WDR12: variants seen among roughly 807,000 people sequenced by gnomAD.
The protein encoded by WDR12 is ribosome biogenesis protein WDR12.
Under a neutral mutation model 64.3 loss-of-function variants are expected in WDR12, and 42 were observed. That is an observed-to-expected ratio of 0.65 (90% CI 0.51 to 0.84). The LOEUF is 0.84. WDR12 is among the 40% of genes least tolerant of loss of function. The probability of loss-of-function intolerance (pLI) is 0.00; values close to 1 mark genes in which losing one functional copy is unlikely to be tolerated. For synonymous variants in WDR12, 158 were observed against 173.3 expected (o/e 0.91, Z 0.70); for missense variants, 469 against 494.6 (o/e 0.95, Z 0.49).
At chr2:202,902,151 T>A (rs1688360054) in intron 2 of WDR12, among the ~76,000 whole-genome samples, 1 of 152,056 alleles carries the variant, frequency 6.6e-6, no homozygotes, top group Non-Finnish European at 1.5e-5. Flanking sequence ...TTTAGAAAAA[T>A]GTTACCCAAC....
chr2:202,895,243 T>C (rs1688216951), intron 6 of WDR12, among the ~76,000 whole-genome samples: 4 of 152,324 alleles, frequency 2.6e-5, no homozygotes, highest in Middle Eastern at 3.4e-3. Flanking sequence ...TAAGTGGATT[T>C]ATAACCCTTC....
Position 202,878,802 on chromosome 2 carries a change from G to A in WDR12, c.*2058C>T. The A allele has an allele frequency of 6.6e-6, 1 of 152,050 alleles. No homozygotes were observed. The highest frequency in any genetic ancestry group is 2.4e-5 in the African/African-American group (1 of 41,362). The allele number at this position is 152,050 out of a possible 1,614,324, so 9.4% of individuals were successfully genotyped here. ...ACATATTTCCCAAATATTACTAAAA[G>A]GTTGTGAATGCTCTACTTAAGGAGT... On this transcript the variant is annotated 3_prime_UTR_variant, in exon 13 of 13. Coordinates refer to ENST00000261015, the MANE Select transcript of WDR12 (RefSeq NM_018256.4).
rs928162156 is a variant in WDR12 at position 202,877,508 on chromosome 2, AT to A, written c.*3351del. On this transcript the variant is annotated 3_prime_UTR_variant, in exon 13 of 13. Transcript: ENST00000261015. ...ACAAAAAAAGTAATAATAAAAATAA[AT>A]TAAAAAATAAAAAATAAAAAATTGA... The A allele has an allele frequency of 1.3e-5, 2 of 151,948 alleles. No individual in the cohort carries two copies. The highest frequency in any genetic ancestry group is 2.9e-5 in the Non-Finnish European group (2 of 67,982). 9.4% of individuals were successfully genotyped at this position (151,948 alleles called of 1,614,324 possible).
At position 202,884,293 on chromosome 2, in the gene WDR12, T is replaced by TTAA. The variant is rs1477451547; in HGVS notation, c.892_893insTTA (p.Asn297_Lys298insIle). ...AGAATAGGAAATACAATTAAACACTTTATTTCCTGTCTGAAAAAGAAAAGG... is the reference window on the plus strand; with the variant it reads ...AGAATAGGAAATACAATTAAACACTTTAATATTTCCTGTCTGAAAAAGAAAAGG... On this transcript the variant is annotated inframe_insertion, in exon 10 of 13. Transcript: ENST00000261015. 1 of 1,613,988 alleles carries TTAA rather than the reference T, an allele frequency of 6.2e-7. No individual in the cohort carries two copies. Among genetic ancestry groups the TTAA allele is most frequent in the Non-Finnish European group, 8.5e-7 (1 of 1,179,938 alleles).
At chr2:202,897,542 G>T (rs1360307137) in intron 4 of WDR12, 127 bp from the exon 5 acceptor site, 1 of 485,360 alleles carries the variant, frequency 2.1e-6, no homozygotes, top group Non-Finnish European at 3.5e-6. Flanking sequence ...TGAAGATTGA[G>T]ATTTCAAGCC....
intron 12 of WDR12, 148 bp downstream of exon 12, chr2:202,882,563 C>T (rs1390297900): frequency 1.4e-5 from 9 of 649,000 alleles, no homozygotes; most frequent in African/African-American, 5.5e-5. Flanking sequence ...CTCCTGACCT[C>T]GTGATCTGCC....
At chr2:202,905,668 C>A (rs1204556502) in intron 2 of WDR12, among the ~76,000 whole-genome samples, 1 of 152,156 alleles carries the variant, frequency 6.6e-6, no homozygotes, top group Non-Finnish European at 1.5e-5. Context: ...TACTTCTACA[C>A]AATGGAGTAC....
In WDR12 at chr2:202,901,128, A is replaced by T; in HGVS notation, c.137-9T>A. 6.3e-7 allele frequency: 1 copy of T among 1,581,194 alleles called. No individual in the cohort carries two copies. The highest frequency in any genetic ancestry group is 8.6e-7 in the Non-Finnish European group (1 of 1,156,360). ...CACATGTTTGTGGAACTCTGAGGAA[A>T]ATACATAACAAAATTATCACTCTTA... On this transcript the variant is annotated splice_polypyrimidine_tract_variant and intron_variant, in intron 2 of 12. Coordinates refer to ENST00000261015, the MANE Select transcript of WDR12 (RefSeq NM_018256.4).
chr2:202,881,804 G>A (rs1054722203), intron 12 of WDR12, among the ~76,000 whole-genome samples: 9 of 151,674 alleles, frequency 5.9e-5, no homozygotes, highest in Non-Finnish European at 1.2e-4. Flanking sequence ...AGTGAGTCAC[G>A]ACCGCACCAC....
chr2:202,899,583 G>C lies in WDR12; in HGVS notation c.286C>G (p.Gln96Glu). The C allele has an allele frequency of 6.2e-7, 1 of 1,614,158 alleles. No homozygotes were observed. The highest frequency in any genetic ancestry group is 8.5e-7 in the Non-Finnish European group (1 of 1,180,028). ...ATCCAGTCATCATGGAACATGCATTGCTCTGGCTGGGGTGCAGTATACTTC... is the reference window on the plus strand; with the variant it reads ...ATCCAGTCATCATGGAACATGCATTCCTCTGGCTGGGGTGCAGTATACTTC... The part of the protein sequence containing the change: ...VEKYTAPQPE[Q>E]CMFHDDWISS... Residue 96 changes from glutamine to glutamate, a missense_variant, in exon 4 of 13, where the codon CAA becomes GAA. By Grantham distance (29) the Gln-to-Glu change is conservative. Transcript: ENST00000261015.
At position 202,911,559 on chromosome 2, in the gene WDR12, A is replaced by G. The variant is rs1299940450; in HGVS notation, c.-83T>C. ...CGAAGCTCCTGCCTTTTAAGACTAC[A>G]AAGAGGCAGCTCAAAATTAGACTGC... is the stretch of plus-strand genomic sequence containing the variant. On this transcript the variant is annotated 5_prime_UTR_variant, in exon 1 of 13. Coordinates refer to ENST00000261015, the MANE Select transcript of WDR12 (RefSeq NM_018256.4). 2.3e-6 allele frequency: 3 copies of G among 1,315,928 alleles called. No homozygotes were observed. In the African/African-American group the frequency reaches 4.3e-5, roughly 19 times the overall value. The allele number at this position is 1,315,928 out of a possible 1,614,324, so 81.5% of individuals were successfully genotyped here.
intron 1 of WDR12, among the ~76,000 whole-genome samples, chr2:202,910,572 AATTTT>A (rs1688571731): frequency 6.6e-6 from 1 of 152,146 alleles, no homozygotes; most frequent in Admixed American, 6.6e-5. Context: ...TATTTCAAAA[AATTTT>A]ATTTTAAGAA....
chr2:202,909,567 G>T (rs1688526079), intron 1 of WDR12, among the ~76,000 whole-genome samples: 1 of 152,098 alleles, frequency 6.6e-6, no homozygotes, highest in Non-Finnish European at 1.5e-5. Flanking sequence ...GATGAAAAAT[G>T]TTCTAAAATT....
In WDR12 at chr2:202,899,541, C is replaced by A. The variant is rs1476785530; in HGVS notation, c.328G>T (p.Ala110Ser). The change falls in exon 4 of 13, where the codon GCA becomes TCA. Residue 110 changes from alanine (A) to serine (S), a missense_variant. Physicochemically the swap from Ala to Ser is moderately conservative, Grantham distance 99 (BLOSUM62 1). Transcript: ENST00000261015. ...TTAATCTGGCAATACCATTCCTCTGCCCCTTTAATTGAACTGATCCAGTCA... is the reference window on the plus strand; with the variant it reads ...TTAATCTGGCAATACCATTCCTCTGACCCTTTAATTGAACTGATCCAGTCA... ...HDDWISSIKG[A>S]EEWILTGSYD... 2 of 1,613,616 alleles carry A rather than the reference C, an allele frequency of 1.2e-6. No individual in the cohort carries two copies. The highest frequency in any genetic ancestry group is 1.7e-6 in the Non-Finnish European group (2 of 1,179,686).
chr2:202,892,497 C>A, intron 8 of WDR12, 120 bp downstream of exon 8: 2 of 545,202 alleles, frequency 3.7e-6, no homozygotes, highest in Non-Finnish European at 6.3e-6. Flanking sequence ...AAAGGATAAT[C>A]ATGGTTAAAG....
intron 8 of WDR12, among the ~76,000 whole-genome samples, chr2:202,891,786 A>G (rs1688160911): frequency 6.6e-6 from 1 of 152,248 alleles, no homozygotes; most frequent in Non-Finnish European, 1.5e-5. Flanking sequence ...CCTTCACAAA[A>G]AGTATATAAA....
At chr2:202,885,218 T>C (rs1441482490) in intron 8 of WDR12, among the ~76,000 whole-genome samples, 2 of 152,220 alleles carry the variant, frequency 1.3e-5, no homozygotes, top group East Asian at 1.9e-4. Flanking sequence ...GGCAGCTTTC[T>C]TGAGCCTTGG....
intron 2 of WDR12, among the ~76,000 whole-genome samples, chr2:202,905,423 G>A (rs1233214568): frequency 1.3e-5 from 2 of 152,224 alleles, no homozygotes; most frequent in Non-Finnish European, 2.9e-5. Flanking sequence ...GATTACAGGC[G>A]TGGGCCACCA....
intron 2 of WDR12, among the ~76,000 whole-genome samples, chr2:202,907,657 C>G (rs1688483090): frequency 6.6e-6 from 1 of 152,142 alleles, no homozygotes; most frequent in African/African-American, 2.4e-5. Flanking sequence ...GCCTTAAAAA[C>G]AGATTAAACA....
Sources: allele counts gnomAD v4.1 joint callset (sites outside exome capture counted in the v4.1 genomes callset), GRCh38; gene constraint gnomAD v4.1.1; transcripts MANE v1.5; gene names NCBI Gene and HGNC (gene_info 2026-07-23, HGNC 2026-07-21).